Variants in HKDC1 observed in about 807,000 individuals in gnomAD.
HKDC1 encodes hexokinase domain containing 1.
A neutral mutation model predicts 96.6 loss-of-function variants in HKDC1; 66 were observed. The ratio of observed to expected loss-of-function variants is 0.68; its 90% CI spans 0.56 to 0.84. The LOEUF (loss-of-function observed/expected upper bound fraction) is 0.84. HKDC1 is among the 40% of genes least tolerant of loss of function. The probability of loss-of-function intolerance (pLI) is 0.00; values close to 1 mark genes in which losing one functional copy is unlikely to be tolerated. For synonymous variants in HKDC1, 466 were observed against 473.1 expected (o/e 0.98, Z 0.20); for missense variants, 1,211 against 1,208.1 (o/e 1.00, Z -0.04).
At chr10:69,225,137 A>C (rs188297776) in intron 1 of HKDC1, among the ~76,000 whole-genome samples, 2 of 152,316 alleles carry the variant, frequency 1.3e-5, no homozygotes, top group Admixed American at 1.3e-4. Flanking sequence ...ATTAAACCCC[A>C]GTCGCAAATG....
chr10:69,237,582 AT>A (rs1843382412), intron 4 of HKDC1, among the ~76,000 whole-genome samples: 2 of 152,264 alleles, frequency 1.3e-5, no homozygotes. Flanking sequence ...GTTGTATGTA[AT>A]TGCCTTTTTA....
intron 14 of HKDC1, 39 bp downstream of exon 14, chr10:69,257,465 G>A (rs1162746382): frequency 5.6e-6 from 8 of 1,421,694 alleles, no homozygotes; most frequent in Admixed American, 1.7e-5. Context: ...TAATCCCACT[G>A]TATCCATTGA....
chr10:69,248,159 A>G (rs1193219610), intron 9 of HKDC1, among the ~76,000 whole-genome samples: 1 of 152,158 alleles, frequency 6.6e-6, no homozygotes, highest in African/African-American at 2.4e-5. Context: ...GACAGAAATG[A>G]TGTTCAGCCA....
chr10:69,240,557 G>A, intron 5 of HKDC1, 95 bp from the exon 6 acceptor site: 2 of 989,870 alleles, frequency 2.0e-6, no homozygotes, highest in East Asian at 2.5e-5. Context: ...GGATGTCTCA[G>A]CAGCCACCTT....
chr10:69,225,889 C>T (rs4746825), intron 1 of HKDC1: 64,745 of 151,844 alleles, frequency 0.43, 16,471 homozygotes, highest in Non-Finnish European at 0.58. Context: ...GAAGAGGTGA[C>T]GTACGTGGAC....
At position 69,250,331 on chromosome 10, in the gene HKDC1, T is replaced by A. The variant is rs1485224175; in HGVS notation, c.1612T>A (p.Phe538Ile). 1.2e-6 allele frequency: 2 copies of A among 1,614,120 alleles called. No homozygotes were observed. Among genetic ancestry groups the A allele is most frequent in the Non-Finnish European group, 1.7e-6 (2 of 1,179,958 alleles). The change falls in exon 11 of 18, where the codon TTC (phenylalanine) becomes ATC (isoleucine). Residue 538 changes from phenylalanine to isoleucine, a missense_variant. By Grantham distance (21) the Phe-to-Ile change is conservative. Transcript: ENST00000354624. ...CGCCCTGGATCTTGGGGGAACCAAC[T>A]TCCGGGTCCTCCTGGTGAAGATCAG... ...FLALDLGGTN[F>I]RVLLVKIRSG...
In HKDC1 at chr10:69,250,785, T is replaced by C. The variant is rs1486353010; in HGVS notation, c.1836+133T>C. ...GTTCAGGGCAGCTGGGAACACATGATAGAGAATTTCAACAATTTAATTTTT... is the reference window on the plus strand; with the variant it reads ...GTTCAGGGCAGCTGGGAACACATGACAGAGAATTTCAACAATTTAATTTTT... On this transcript the variant is annotated intron_variant, in intron 12 of 17. Transcript: ENST00000354624. 4 of 931,234 alleles carry C rather than the reference T, an allele frequency of 4.3e-6. No homozygotes were observed. In the African/African-American group the frequency reaches 5.0e-5, roughly 12 times the overall value. 57.7% of individuals were successfully genotyped at this position (931,234 alleles called of 1,614,324 possible). A position where few individuals can be genotyped will look rare whatever the true frequency, so the allele number is the denominator to read the frequency against.
At chr10:69,225,408 A>T (rs2132330055) in intron 1 of HKDC1, among the ~76,000 whole-genome samples, 1 of 152,278 alleles carries the variant, frequency 6.6e-6, no homozygotes, top group East Asian at 1.9e-4. Context: ...AATTAGTCAT[A>T]AACAGCCTTG....
In HKDC1 at chr10:69,250,536, T is replaced by C; in HGVS notation, c.1720T>C (p.Phe574Leu). 6.2e-7 allele frequency: 1 copy of C among 1,614,138 alleles called. No individual in the cohort carries two copies. The highest frequency in any genetic ancestry group is 8.5e-7 in the Non-Finnish European group (1 of 1,180,028). The change falls in exon 12 of 18, where the codon TTT (phenylalanine) becomes CTT (leucine). Residue 574 changes from phenylalanine (F) to leucine (L), a missense_variant. By Grantham distance (22) the Phe-to-Leu change is conservative. Coordinates refer to ENST00000354624, the MANE Select transcript of HKDC1 (RefSeq NM_025130.4). ...GCCGCTCTCTCTCTCTCTGCAGCTC[T>C]TTGATCACATTGTGCAGTGCATCGC... is the stretch of plus-strand genomic sequence containing the variant. ...EIMQGTGEELFDHIVQCIADF... is the reference protein window; with the variant it reads ...EIMQGTGEELLDHIVQCIADF...
At chr10:69,246,009 C>T in intron 7 of HKDC1, 70 bp from the exon 8 acceptor site, 1 of 1,579,036 alleles carries the variant, frequency 6.3e-7, no homozygotes, top group South Asian at 1.1e-5. Context: ...GGCAGTGGCT[C>T]CTGGTCTTCG....
chr10:69,256,853 C>T (rs78505997), intron 12 of HKDC1, among the ~76,000 whole-genome samples, 183 bp from the exon 13 acceptor site: 6,425 of 152,220 alleles, frequency 0.042, 219 homozygotes, highest in Non-Finnish European at 0.061. Flanking sequence ...TAGACCTTGT[C>T]TGAGTGTTGT....
chr10:69,265,931 A>C, intron 17 of HKDC1, 113 bp downstream of exon 17: 1 of 769,292 alleles, frequency 1.3e-6, no homozygotes, highest in Non-Finnish European at 2.2e-6. Flanking sequence ...CCGTCCTTTT[A>C]TGGGAAAGGA....
chr10:69,265,735 G>A lies in HKDC1; in HGVS notation c.2523G>A (p.Val841=). ...QLCGAGLAAI[V]EKRREDQGLE... ...GCGGTGCTGGCCTGGCCGCTATAGT[G>A]GAAAAAAGGAGAGAAGACCAGGGGC... The change falls in exon 17 of 18, where the codon GTG becomes GTA. Residue 841 remains valine, a synonymous_variant. Transcript: ENST00000354624. 8 of 1,612,940 alleles carry A rather than the reference G, an allele frequency of 5.0e-6. No homozygotes were observed. The highest frequency in any genetic ancestry group is 6.8e-6 in the Non-Finnish European group (8 of 1,179,682).
intron 16 of HKDC1, among the ~76,000 whole-genome samples, chr10:69,264,315 T>C (rs1380263953): frequency 6.6e-6 from 1 of 151,740 alleles, no homozygotes; most frequent in Non-Finnish European, 1.5e-5. Context: ...TATTTTATAA[T>C]CTATTTTTTC....
At chr10:69,249,490 T>C (rs1019957165) in intron 10 of HKDC1, among the ~76,000 whole-genome samples, 7 of 152,074 alleles carry the variant, frequency 4.6e-5, no homozygotes, top group African/African-American at 1.7e-4. Context: ...CACTGTTTAT[T>C]TTATTTTTAT....
At position 69,247,367 on chromosome 10, in the gene HKDC1, G is replaced by A. The variant is rs768742191; in HGVS notation, c.1039G>A (p.Glu347Lys). ...RHVAAMEKYK[E>K]GLANTREILV... Reference sequence around the variant, plus strand: ...TTCCTGTCCCCTGGCCAGGTATAAAGAAGGCCTTGCTAATACAAGAGAGAT... The same window carrying A: ...TTCCTGTCCCCTGGCCAGGTATAAAAAAGGCCTTGCTAATACAAGAGAGAT... The change falls in exon 9 of 18, where the codon GAA becomes AAA. Residue 347 changes from glutamate to lysine, a missense_variant. Transcript: ENST00000354624. The A allele has an allele frequency of 6.2e-7, 1 of 1,613,220 alleles. No homozygotes were observed.
chr10:69,226,325 T>G (rs1843154727), intron 1 of HKDC1, among the ~76,000 whole-genome samples: 1 of 152,174 alleles, frequency 6.6e-6, no homozygotes, highest in African/African-American at 2.4e-5. Context: ...CAGCTTTGTC[T>G]TAACTAGAAC....
chr10:69,259,911 G>A (rs1348504555), intron 15 of HKDC1, among the ~76,000 whole-genome samples: 2 of 152,172 alleles, frequency 1.3e-5, no homozygotes, highest in African/African-American at 2.4e-5. Flanking sequence ...AATTCAACAT[G>A]AGATTTTGGT....
At chr10:69,246,708 T>C (rs1465269766) in intron 8 of HKDC1, among the ~76,000 whole-genome samples, 2 of 152,186 alleles carry the variant, frequency 1.3e-5, no homozygotes, top group African/African-American at 4.8e-5. Flanking sequence ...TTGAATGTGG[T>C]GATGTGAGGC....
Sources: gnomAD v4.1 joint callset for allele counts (sites outside exome capture counted in the v4.1 genomes callset) on GRCh38, gnomAD v4.1.1 for gene constraint, MANE v1.5 for transcripts, NCBI Gene and HGNC (gene_info 2026-07-23, HGNC 2026-07-21) for gene names.